Variants in FNBP1L observed in about 807,000 individuals in gnomAD.
FNBP1L encodes the protein formin-binding protein 1-like.
In FNBP1L, 36 loss-of-function variants were observed where a neutral mutation model predicts 91.2. That is an observed-to-expected ratio of 0.39 (90% CI 0.30 to 0.52). The LOEUF (loss-of-function observed/expected upper bound fraction) is 0.52, where lower values mean the gene tolerates loss of function less well. Among genes scored for constraint, FNBP1L ranks in the 20% least tolerant of loss-of-function variants. The probability of loss-of-function intolerance (pLI) is 0.66; values close to 1 mark genes in which losing one functional copy is unlikely to be tolerated. For missense variants in FNBP1L, 571 were observed against 732.1 expected (o/e 0.78, Z 2.54); for synonymous variants, 242 against 237.0 (o/e 1.02, Z -0.19).
At chr1:93,458,834 A>G (rs1379197045) in intron 1 of FNBP1L, among the ~76,000 whole-genome samples, 1 of 152,164 alleles carries the variant, frequency 6.6e-6, no homozygotes, top group Non-Finnish European at 1.5e-5. Flanking sequence ...GTTCTCTTTT[A>G]TTATTAGTAT....
chr1:93,462,277 CT>C (rs907599519), intron 1 of FNBP1L, among the ~76,000 whole-genome samples: 8 of 151,238 alleles, frequency 5.3e-5, no homozygotes, highest in African/African-American at 7.3e-5. Context: ...CCTGGAGTTA[CT>C]TTTTTTTTAA....
At chr1:93,496,426 G>T (rs919529700) in intron 1 of FNBP1L, among the ~76,000 whole-genome samples, 2 of 151,912 alleles carry the variant, frequency 1.3e-5, no homozygotes, top group South Asian at 4.2e-4. Flanking sequence ...TTATTTTTGA[G>T]ATAGGGTCTT....
At chr1:93,467,616 TA>T (rs1410740723) in intron 1 of FNBP1L, among the ~76,000 whole-genome samples, 2 of 152,074 alleles carry the variant, frequency 1.3e-5, no homozygotes, top group Non-Finnish European at 2.9e-5. Flanking sequence ...ACTGTACACT[TA>T]AAAATGGTAG....
intron 2 of FNBP1L, among the ~76,000 whole-genome samples, chr1:93,510,589 C>T (rs1410931577): frequency 7.9e-5 from 12 of 152,240 alleles, no homozygotes; most frequent in African/African-American, 2.4e-4. Context: ...TCACCAGCAA[C>T]GGAACAAAGC....
At position 93,523,333 on chromosome 1, in the gene FNBP1L, G is replaced by GT; in HGVS notation, c.195-6dup. On this transcript the variant is annotated splice_polypyrimidine_tract_variant and intron_variant, in intron 3 of 16. Coordinates refer to ENST00000271234, the MANE Select transcript of FNBP1L (RefSeq NM_001164473.3). The stretch of plus-strand genomic sequence containing the variant: ...AAAGTAAGTCTCACCATTTTGAAAT[G>GT]TTTTTGCCAGGTTTACCTCGTGTGT... 5 of 1,592,650 alleles carry GT rather than the reference G, an allele frequency of 3.1e-6. No individual in the cohort carries two copies. The highest frequency in any genetic ancestry group is 2.2e-5 in the East Asian group (1 of 44,522).
intron 2 of FNBP1L, among the ~76,000 whole-genome samples, chr1:93,520,929 CTA>C (rs1473988990): frequency 6.6e-6 from 1 of 152,108 alleles, no homozygotes; most frequent in Non-Finnish European, 1.5e-5. Context: ...GTAATCCCAG[CTA>C]TTTAGGAGGC....
At chr1:93,541,578 TTGTG>T (rs1672046055) in intron 11 of FNBP1L, among the ~76,000 whole-genome samples, 1 of 147,802 alleles carries the variant, frequency 6.8e-6, no homozygotes, top group Non-Finnish European at 1.5e-5. Context: ...CTGTGTGTGT[TTGTG>T]TGGGGGGTGG....
chr1:93,479,913 A>G (rs1277918572), intron 1 of FNBP1L, among the ~76,000 whole-genome samples: 1 of 152,224 alleles, frequency 6.6e-6, no homozygotes, highest in Non-Finnish European at 1.5e-5. Context: ...CGAAGATAAC[A>G]GGTTTAAGAG....
intron 1 of FNBP1L, among the ~76,000 whole-genome samples, chr1:93,456,304 C>T (rs759594169): frequency 4.6e-5 from 7 of 152,124 alleles, no homozygotes; most frequent in Non-Finnish European, 1.0e-4. Context: ...GCAGACTTTA[C>T]AAATATCTCA....
chr1:93,518,907 A>G (rs1281727308), intron 2 of FNBP1L, among the ~76,000 whole-genome samples: 1 of 152,176 alleles, frequency 6.6e-6, no homozygotes, highest in Non-Finnish European at 1.5e-5. Flanking sequence ...TATTTTCTGT[A>G]TCTGAATTTG....
At chr1:93,551,738 C>T in intron 16 of FNBP1L, 1 of 984,686 alleles carries the variant, frequency 1.0e-6, no homozygotes, top group Non-Finnish European at 1.2e-6. Flanking sequence ...AATAAATCTC[C>T]TGGTCTAGCT....
chr1:93,495,580 CAG>C (rs762287695), intron 1 of FNBP1L, among the ~76,000 whole-genome samples: 8 of 152,046 alleles, frequency 5.3e-5, no homozygotes, highest in Non-Finnish European at 1.0e-4. Context: ...CCAAATGAAA[CAG>C]GGAGAGACAA....
chr1:93,499,395 C>G (rs1322987243), intron 1 of FNBP1L, 73 bp from the exon 2 acceptor site: 1 of 939,562 alleles, frequency 1.1e-6, no homozygotes, highest in Non-Finnish European at 1.7e-6. Context: ...TGTACAAATA[C>G]CAGAAGCTGT....
In FNBP1L at chr1:93,516,048, A is replaced by G. The variant is rs369894433; in HGVS notation, c.141-6034A>G. On this transcript the variant is annotated intron_variant, in intron 2 of 16. Transcript: ENST00000271234. ...GTTATTGTTAAATCAGAAACTCAGTATATGTAGACTCCTCCAGTCTCTTGG... is the reference window on the plus strand; with the variant it reads ...GTTATTGTTAAATCAGAAACTCAGTGTATGTAGACTCCTCCAGTCTCTTGG... Among the ~76,000 whole-genome samples, 10 of 152,318 alleles carry G rather than the reference A, an allele frequency of 6.6e-5. No homozygotes were observed. In the East Asian group the frequency reaches 1.7e-3, roughly 26 times the overall value.
At chr1:93,507,909 A>T (rs1670691019) in intron 2 of FNBP1L, among the ~76,000 whole-genome samples, 1 of 149,786 alleles carries the variant, frequency 6.7e-6, no homozygotes, top group Non-Finnish European at 1.5e-5. Flanking sequence ...TCGGCCTCCC[A>T]AAGTGCTAGG....
At chr1:93,475,168 T>C (rs1388335623) in intron 1 of FNBP1L, among the ~76,000 whole-genome samples, 1 of 152,116 alleles carries the variant, frequency 6.6e-6, no homozygotes, top group Admixed American at 6.5e-5. Flanking sequence ...AGCTGCAGTT[T>C]GCAATGAAAG....
At chr1:93,500,584 A>G (rs1670412917) in intron 2 of FNBP1L, among the ~76,000 whole-genome samples, 1 of 152,190 alleles carries the variant, frequency 6.6e-6, no homozygotes, top group African/African-American at 2.4e-5. Context: ...CTTTAGTCAT[A>G]CTGACTTTGG....
In FNBP1L at chr1:93,547,406, T is replaced by C. The variant is rs751345858; in HGVS notation, c.1467T>C (p.Ser489=). 1.9e-5 allele frequency: 29 copies of C among 1,560,842 alleles called. No homozygotes were observed. Among genetic ancestry groups the C allele is most frequent in the Middle Eastern group, 3.3e-4 (2 of 6,024 alleles). ...TGGRGDRRHS[S]DINHLVTQGR... ...GGAGAGGAGACAGAAGACATAGCAG[T>C]GACATAAATCATCTTGTAACACAGG... The change falls in exon 14 of 17, where the codon AGT becomes AGC. Residue 489 remains serine, a synonymous_variant. Coordinates refer to ENST00000271234, the MANE Select transcript of FNBP1L (RefSeq NM_001164473.3).
Position 93,552,449 on chromosome 1 carries a change from AAGG to A in FNBP1L, c.*37_*39del. The A allele has an allele frequency of 1.2e-6, 2 of 1,612,026 alleles. No homozygotes were observed. The highest frequency in any genetic ancestry group is 1.7e-6 in the Non-Finnish European group (2 of 1,179,004). ...TTCTGAGGAAATGGGCAAGATGTTG[AAGG>A]AGGTTACATGCAGCTGCTTTTGGGG... On this transcript the variant is annotated 3_prime_UTR_variant, in exon 17 of 17. Coordinates refer to ENST00000271234, the MANE Select transcript of FNBP1L (RefSeq NM_001164473.3).
Sources: gnomAD v4.1 joint callset for allele counts (sites outside exome capture counted in the v4.1 genomes callset) on GRCh38, gnomAD v4.1.1 for gene constraint, MANE v1.5 for transcripts, NCBI Gene and HGNC (gene_info 2026-07-23, HGNC 2026-07-21) for gene names.